SLCO1B3: variants seen among roughly 807,000 people sequenced by gnomAD.
SLCO1B3 encodes the protein liver-specific organic anion transporter 2.
SLCO1B3 carries 72 observed loss-of-function variants against 71.8 expected under a neutral mutation model. The observed-to-expected ratio is 1.00, with a 90% confidence interval of 0.83 to 1.22. The LOEUF (loss-of-function observed/expected upper bound fraction) is 1.22. Among genes scored for constraint, SLCO1B3 ranks in the 50% most tolerant of loss-of-function variants. The pLI is 0.00. For missense variants in SLCO1B3, 911 were observed against 819.7 expected (o/e 1.11, Z -1.36); for synonymous variants, 298 against 278.4 (o/e 1.07, Z -0.70).
intron 5 of SLCO1B3, among the ~76,000 whole-genome samples, chr12:20,860,599 T>TTGTGTGTGTGTGTGTGTGTG (rs34409706): frequency 2.0e-5 from 3 of 146,638 alleles, no homozygotes; most frequent in African/African-American, 7.6e-5. Flanking sequence ...GTCAAGCACT[T>TTGTGTGTGTGTGTGTGTGTG]TGTGTGTGTG....
At chr12:20,848,951 C>T (rs546376607) in intron 3 of SLCO1B3, among the ~76,000 whole-genome samples, 1 of 152,124 alleles carries the variant, frequency 6.6e-6, no homozygotes, top group African/African-American at 2.4e-5. Flanking sequence ...GACTGTAAAA[C>T]ACACCAAGTG....
intron 3 of SLCO1B3, among the ~76,000 whole-genome samples, chr12:20,829,224 G>A (rs1422187244): frequency 6.6e-6 from 1 of 152,174 alleles, no homozygotes; most frequent in Non-Finnish European, 1.5e-5. Context: ...AGAAATTAAG[G>A]CCAGCTAGTT....
intron 3 of SLCO1B3, among the ~76,000 whole-genome samples, chr12:20,844,041 T>C (rs892439680): frequency 2.0e-5 from 3 of 152,034 alleles, no homozygotes; most frequent in Non-Finnish European, 4.4e-5. Flanking sequence ...TTCAACTTAT[T>C]ATACTCCTTT....
chr12:20,857,952 A>G (rs1342851835), intron 4 of SLCO1B3, among the ~76,000 whole-genome samples: 1 of 152,116 alleles, frequency 6.6e-6, no homozygotes, highest in Non-Finnish European at 1.5e-5. Flanking sequence ...TATTTCCATA[A>G]TCTAATAGCA....
chr12:20,842,726 GT>G (rs1471924191), intron 3 of SLCO1B3, among the ~76,000 whole-genome samples: 2 of 151,962 alleles, frequency 1.3e-5, no homozygotes, highest in African/African-American at 4.8e-5. Context: ...TCCCTTCCCT[GT>G]TGCCTTTTAA....
chr12:20,852,299 A>G (rs7135246), intron 3 of SLCO1B3, among the ~76,000 whole-genome samples: 110,075 of 151,984 alleles, frequency 0.72, 42,440 homozygotes, highest in South Asian at 0.9. Context: ...CAAGCAACAC[A>G]GCAAGATGCC....
At chr12:20,846,992 A>G (rs1291915449) in intron 3 of SLCO1B3, among the ~76,000 whole-genome samples, 2 of 152,132 alleles carry the variant, frequency 1.3e-5, no homozygotes, top group East Asian at 1.9e-4. Flanking sequence ...TTTTATTTGA[A>G]TGAACTTAAA....
intron 13 of SLCO1B3, among the ~76,000 whole-genome samples, chr12:20,887,879 TC>T (rs1201520584): frequency 6.6e-6 from 1 of 151,992 alleles, no homozygotes; most frequent in Non-Finnish European, 1.5e-5. Context: ...ACGTCTTTCA[TC>T]CTTTTTCAGT....
At chr12:20,903,654 A>G (rs1365495423) in intron 15 of SLCO1B3, among the ~76,000 whole-genome samples, 2 of 152,136 alleles carry the variant, frequency 1.3e-5, no homozygotes, top group Non-Finnish European at 1.5e-5. Flanking sequence ...CTCACTCACT[A>G]TCTTGAGAAC....
chr12:20,881,962 G>A (rs1009933035), intron 12 of SLCO1B3, among the ~76,000 whole-genome samples: 1 of 152,134 alleles, frequency 6.6e-6, no homozygotes, highest in Non-Finnish European at 1.5e-5. Context: ...GAAATTTGAA[G>A]AATAAAGCCT....
chr12:20,898,329 GTATT>G, intron 13 of SLCO1B3, 103 bp from the exon 14 acceptor site: 1 of 717,856 alleles, frequency 1.4e-6, no homozygotes. Context: ...TCACTTAAGA[GTATT>G]CATTCTACCA....
intron 13 of SLCO1B3, among the ~76,000 whole-genome samples, chr12:20,893,391 G>A (rs536344559): frequency 2.6e-5 from 4 of 152,190 alleles, no homozygotes; most frequent in African/African-American, 9.6e-5. Flanking sequence ...GAGTTGTGAT[G>A]TGCCATTCTA....
At position 20,916,017 on chromosome 12, in the gene SLCO1B3, G is replaced by T. The variant is rs762342274; in HGVS notation, c.1879G>T (p.Gly627Cys). 2.5e-6 allele frequency: 4 copies of T among 1,604,500 alleles called. No individual in the cohort carries two copies. The highest frequency in any genetic ancestry group is 3.4e-6 in the Non-Finnish European group (4 of 1,172,880). The change falls in exon 16 of 16, where the codon GGC becomes TGC. Residue 627 changes from glycine to cysteine, a missense_variant. Gly to Cys is a radical substitution (Grantham distance 159, BLOSUM62 -3). Coordinates refer to ENST00000381545, the MANE Select transcript of SLCO1B3 (RefSeq NM_019844.4). ...NSVFFGRVYL[G>C]LSIALRFPAL... ...CTCTTTTCACAGAAGGGTCTACTTG[G>T]GCTTATCTATAGCTTTAAGATTCCC...
chr12:20,845,257 G>C, intron 3 of SLCO1B3: 1 of 415,410 alleles, frequency 2.4e-6, no homozygotes, highest in South Asian at 2.1e-5. Flanking sequence ...TCTGACCTCT[G>C]ACCTCTTGGA....
chr12:20,841,479 A>G (rs1269567708), intron 3 of SLCO1B3, among the ~76,000 whole-genome samples: 1 of 149,040 alleles, frequency 6.7e-6, no homozygotes, highest in Non-Finnish European at 1.5e-5. Flanking sequence ...ATTCTTATTT[A>G]AAAATGTTTT....
chr12:20,903,234 C>A (rs10770757), intron 15 of SLCO1B3, among the ~76,000 whole-genome samples: 110,929 of 152,006 alleles, frequency 0.73, 43,917 homozygotes, highest in South Asian at 0.94. Context: ...ACGATTAAGC[C>A]ATCATGTTCC....
chr12:20,840,142 C>T (rs1171159246), intron 3 of SLCO1B3, among the ~76,000 whole-genome samples: 1 of 152,100 alleles, frequency 6.6e-6, no homozygotes, highest in East Asian at 1.9e-4. Flanking sequence ...ACATCTCTGC[C>T]ATATGTGAGT....
At chr12:20,871,602 A>T (rs191206159) in intron 8 of SLCO1B3, among the ~76,000 whole-genome samples, 1 of 152,216 alleles carries the variant, frequency 6.6e-6, no homozygotes, top group African/African-American at 2.4e-5. Flanking sequence ...CCTCAATAAT[A>T]CTGTGGTTTT....
intron 3 of SLCO1B3, among the ~76,000 whole-genome samples, chr12:20,847,205 A>C (rs1864936936): frequency 8.6e-6 from 1 of 115,868 alleles, no homozygotes; most frequent in African/African-American, 2.6e-5. Flanking sequence ...AAGGCTTACC[A>C]AAGGTGGAAG....
Sources: gnomAD v4.1 joint callset for allele counts (sites outside exome capture counted in the v4.1 genomes callset) on GRCh38, gnomAD v4.1.1 for gene constraint, MANE v1.5 for transcripts, NCBI Gene and HGNC (gene_info 2026-07-23, HGNC 2026-07-21) for gene names.